The following LZTR1 variants were observed in gnomAD, a reference collection of about 807,000 sequenced individuals.
LZTR1 encodes the protein leucine zipper like post translational regulator 1.
Under a neutral mutation model 105.7 loss-of-function variants are expected in LZTR1, and 260 were observed. The observed-to-expected ratio is 2.46, with a 90% confidence interval of 2.22 to 2.72. The LOEUF (loss-of-function observed/expected upper bound fraction) is 2.72, where lower values mean the gene tolerates loss of function less well. Among genes scored for constraint, LZTR1 ranks in the 30% most tolerant of loss-of-function variants. LZTR1 has a pLI of 0.00. For missense variants in LZTR1, 1,214 were observed against 1,166.9 expected (o/e 1.04, Z -0.59); for synonymous variants, 490 against 476.4 (o/e 1.03, Z -0.37).
At chr22:20,988,230 G>T in intron 5 of LZTR1, 112 bp downstream of exon 5, 1 of 673,436 alleles carries the variant, frequency 1.5e-6, no homozygotes, top group Non-Finnish European at 2.7e-6. Context: ...CGCAATAGCA[G>T]GGAGCTTGGG....
Position 20,996,972 on chromosome 22 carries a change from G to A in LZTR1, c.2406+6G>A. On this transcript the variant is annotated splice_donor_region_variant and intron_variant, in intron 20 of 20. Transcript: ENST00000646124. ...TTGTGCACCAGTTCACCAAGGTCAG[G>A]GCTCTGGCCTCCCCTTCAGGACTCG... is the stretch of plus-strand genomic sequence containing the variant. 1 of 1,613,126 alleles carries A rather than the reference G, an allele frequency of 6.2e-7. No homozygotes were observed. The highest frequency in any genetic ancestry group is 8.5e-7 in the Non-Finnish European group (1 of 1,179,558).
chr22:20,994,442 A>T, intron 14 of LZTR1, 116 bp from the exon 15 acceptor site: 1 of 1,302,158 alleles, frequency 7.7e-7, no homozygotes, highest in Non-Finnish European at 1.1e-6. Context: ...GAGTCCCCCG[A>T]GGCCTTGTTC....
rs542960279 is a variant in LZTR1 at position 20,982,634 on chromosome 22, G to A, written c.200+63G>A. The A allele has an allele frequency of 7.8e-6, 12 of 1,532,068 alleles. No individual in the cohort carries two copies. In the African/African-American group the frequency reaches 9.5e-5, roughly 12 times the overall value. The allele number at this position is 1,532,068 out of a possible 1,614,324, so 94.9% of individuals were successfully genotyped here. On this transcript the variant is annotated intron_variant, in intron 1 of 20. Coordinates refer to ENST00000646124, the MANE Select transcript of LZTR1 (RefSeq NM_006767.4). ...GCGATCTGCGAGGGTCCCAGGGCGG[G>A]TCCAGGGGCGAAGCCGGGGGGTGGT...
rs969057157 is a variant in LZTR1 at position 20,994,863 on chromosome 22, G to T, written c.1786-7G>T. 2 of 1,613,022 alleles carry T rather than the reference G, an allele frequency of 1.2e-6. No individual in the cohort carries two copies. The highest frequency in any genetic ancestry group is 2.2e-5 in the East Asian group (1 of 44,876). Reference sequence around the variant, plus strand: ...TCTGCCTGCCTGCCTGTGCCTGTCTGCCCCAGGAGCACTGCCTGAACTTCG... The same window carrying T: ...TCTGCCTGCCTGCCTGTGCCTGTCTTCCCCAGGAGCACTGCCTGAACTTCG... On this transcript the variant is annotated splice_polypyrimidine_tract_variant and splice_region_variant and intron_variant, in intron 15 of 20. Coordinates refer to ENST00000646124, the MANE Select transcript of LZTR1 (RefSeq NM_006767.4).
chr22:20,997,136 G>A (rs1924888537), intron 20 of LZTR1, 96 bp from the exon 21 acceptor site: 1 of 1,124,948 alleles, frequency 8.9e-7, no homozygotes, highest in Non-Finnish European at 1.3e-6. Context: ...GGACCAGCCT[G>A]AGCCCTGAGC....
In LZTR1 at chr22:20,994,922, T is replaced by C. The variant is rs963149046; in HGVS notation, c.1838T>C (p.Met613Thr). ...GAGTCCCACTTCAACCAGGTGATCA[T>C]GATGAAGGAGTTCGAGCGCCTCTCC... ...VKESHFNQVIMMKEFERLSSP... is the reference protein window; with the variant it reads ...VKESHFNQVITMKEFERLSSP... Residue 613 changes from methionine to threonine, a missense_variant, in exon 16 of 21, where the codon ATG becomes ACG. Physicochemically the swap from Met to Thr is moderately conservative, Grantham distance 81 (BLOSUM62 -1). Transcript: ENST00000646124. 4.3e-6 allele frequency: 7 copies of C among 1,613,372 alleles called. No individual in the cohort carries two copies. Among genetic ancestry groups the C allele is most frequent in the African/African-American group, 1.3e-5 (1 of 75,032 alleles).
intron 5 of LZTR1, among the ~76,000 whole-genome samples, chr22:20,988,494 T>G (rs575447633): frequency 1.3e-5 from 2 of 152,224 alleles, no homozygotes; most frequent in Non-Finnish European, 2.9e-5. Context: ...TAAGATCCAA[T>G]GTACTGCTGA....
intron 2 of LZTR1, among the ~76,000 whole-genome samples, chr22:20,983,729 C>T (rs897884842): frequency 1.3e-5 from 2 of 152,174 alleles, no homozygotes; most frequent in Non-Finnish European, 1.5e-5. Flanking sequence ...CCTTGGGGGG[C>T]GGGCTTGAGG....
At chr22:20,987,450 G>A in intron 3 of LZTR1, 54 bp from the exon 4 acceptor site, 1 of 991,904 alleles carries the variant, frequency 1.0e-6, no homozygotes, top group Non-Finnish European at 1.6e-6. Context: ...CTGTGGGGGT[G>A]TGGACCTCAT....
intron 6 of LZTR1, 41 bp downstream of exon 6, chr22:20,988,913 A>T (rs1485957572): frequency 6.4e-7 from 1 of 1,561,566 alleles, no homozygotes; most frequent in African/African-American, 1.4e-5. Context: ...CTCCGACAGC[A>T]CTGAGACCCG....
At chr22:20,984,223 A>G (rs568839714) in intron 2 of LZTR1, among the ~76,000 whole-genome samples, 1 of 152,280 alleles carries the variant, frequency 6.6e-6, no homozygotes, top group African/African-American at 2.4e-5. Context: ...GTTATTATCC[A>G]TCTCTTCAGT....
chr22:20,993,350 G>C, intron 11 of LZTR1: 1 of 498,460 alleles, frequency 2.0e-6, no homozygotes, highest in Non-Finnish European at 3.6e-6. Context: ...GCCAGTGTGA[G>C]GACGCAGGTC....
intron 12 of LZTR1, 80 bp downstream of exon 12, chr22:20,993,834 G>A (rs1924696972): frequency 6.4e-7 from 1 of 1,567,978 alleles, no homozygotes; most frequent in Admixed American, 1.8e-5. Context: ...AACAGCTGCT[G>A]GCCTGGTGGT....
rs1456370446 is a variant in LZTR1, at chr22:20,988,995, CTCTG to C, written c.593+128_593+131del. ...AGTGCCTGGTGGATTTTGAGTGCCA[CTCTG>C]TCTGGGGGTTTCTTGGGAGGGGGAT... On this transcript the variant is annotated intron_variant, in intron 6 of 20. Transcript: ENST00000646124. 8 of 830,622 alleles carry C rather than the reference CTCTG, an allele frequency of 9.6e-6. No homozygotes were observed. In the Middle Eastern group the frequency reaches 8.9e-4, roughly 92 times the overall value. The allele number at this position is 830,622 out of a possible 1,614,324, so 51.5% of individuals were successfully genotyped here.
chr22:20,982,475 C>T lies in LZTR1; in HGVS notation c.104C>T (p.Ser35Leu), dbSNP rs775067152. 10 of 1,610,782 alleles carry T rather than the reference C, an allele frequency of 6.2e-6. No homozygotes were observed. Among genetic ancestry groups the T allele is most frequent in the East Asian group, 2.2e-5 (1 of 44,796 alleles). The change falls in exon 1 of 21, where the codon TCG (serine) becomes TTG (leucine). Residue 35 changes from serine (S) to leucine (L), a missense_variant. By Grantham distance (145) the Ser-to-Leu change is moderately radical. Transcript: ENST00000646124. ...APSVDFDHSCSDSVEYLTLNF... is the reference protein window; with the variant it reads ...APSVDFDHSCLDSVEYLTLNF... Reference sequence around the variant, plus strand: ...AGCGTGGACTTCGACCATAGCTGCTCGGACAGTGTCGAGTACCTGACGCTC... The same window carrying T: ...AGCGTGGACTTCGACCATAGCTGCTTGGACAGTGTCGAGTACCTGACGCTC...
Position 20,994,923 on chromosome 22 carries a change from G to T in LZTR1, c.1839G>T (p.Met613Ile). The change falls in exon 16 of 21, where the codon ATG (methionine) becomes ATT (isoleucine). Residue 613 changes from methionine to isoleucine, a missense_variant. Transcript: ENST00000646124. ...VKESHFNQVI[M>I]MKEFERLSSP... ...AGTCCCACTTCAACCAGGTGATCAT[G>T]ATGAAGGAGTTCGAGCGCCTCTCCT... 2 of 1,613,440 alleles carry T rather than the reference G, an allele frequency of 1.2e-6. No homozygotes were observed. Among genetic ancestry groups the T allele is most frequent in the Non-Finnish European group, 1.7e-6 (2 of 1,180,020 alleles).
chr22:20,984,669 C>A (rs1270928434), intron 2 of LZTR1, among the ~76,000 whole-genome samples: 1 of 151,078 alleles, frequency 6.6e-6, no homozygotes, highest in Non-Finnish European at 1.5e-5. Context: ...GGCTTCCTGG[C>A]TGCATGGCCT....
In LZTR1 at chr22:20,997,306, CAT is replaced by C. The variant is rs965447702; in HGVS notation, c.2482_2483del (p.Ile828LeufsTer22). 2 of 1,613,698 alleles carry C rather than the reference CAT, an allele frequency of 1.2e-6. No individual in the cohort carries two copies. The highest frequency in any genetic ancestry group is 1.7e-6 in the Non-Finnish European group (2 of 1,180,018). On this transcript the variant is annotated frameshift_variant, in exon 21 of 21. Coordinates refer to ENST00000646124, the MANE Select transcript of LZTR1 (RefSeq NM_006767.4). LOFTEE classifies it high-confidence loss of function. Reference sequence around the variant, plus strand: ...ACATCATAGACTCCCTGGCCTCCCACATCTCAGACAAGCAGTGCGCAGAGCTG... The same window carrying C: ...ACATCATAGACTCCCTGGCCTCCCACCTCAGACAAGCAGTGCGCAGAGCTG... ...LDIIDSLASH[I>X]SDKQCAELGA... is the part of the protein sequence containing the mutation.
In LZTR1 at chr22:20,997,592, C is replaced by T. The variant is rs1924917775; in HGVS notation, c.*244C>T. Reference sequence around the variant, plus strand: ...GACCCCCTCCTGTCATCACCCTCTCCTGGTGTAGTGTGGATGCGAGGCCAC... The same window carrying T: ...GACCCCCTCCTGTCATCACCCTCTCTTGGTGTAGTGTGGATGCGAGGCCAC... On this transcript the variant is annotated 3_prime_UTR_variant, in exon 21 of 21. Transcript: ENST00000646124. 1 of 465,076 alleles carries T rather than the reference C, an allele frequency of 2.2e-6. No homozygotes were observed. Among genetic ancestry groups the T allele is most frequent in the Non-Finnish European group, 4.0e-6 (1 of 252,148 alleles). The allele number at this position is 465,076 out of a possible 1,614,324, so 28.8% of individuals were successfully genotyped here.
Sources: gnomAD v4.1 joint callset for allele counts (sites outside exome capture counted in the v4.1 genomes callset) on GRCh38, gnomAD v4.1.1 for gene constraint, MANE v1.5 for transcripts, NCBI Gene and HGNC (gene_info 2026-07-23, HGNC 2026-07-21) for gene names.